The following ZFYVE28 variants were observed in gnomAD, a reference collection of about 807,000 sequenced individuals.
The protein encoded by ZFYVE28 is zinc finger FYVE-type containing 28.
Under a neutral mutation model 82.1 loss-of-function variants are expected in ZFYVE28, and 40 were observed. The observed-to-expected ratio is 0.49, with a 90% CI of 0.38 to 0.63. The LOEUF (loss-of-function observed/expected upper bound fraction) is 0.63. Ranked by LOEUF, ZFYVE28 falls within the 30% of genes least tolerant of loss-of-function variation. The pLI, the probability that ZFYVE28 is intolerant of heterozygous loss-of-function variation, is 0.00. For missense variants in ZFYVE28, 1,321 were observed against 1,242.1 expected (o/e 1.06, Z -0.96); for synonymous variants, 612 against 546.1 (o/e 1.12, Z -1.68).
intron 7 of ZFYVE28, among the ~76,000 whole-genome samples, chr4:2,306,652 A>T (rs1171944863): frequency 1.3e-5 from 2 of 152,238 alleles, no homozygotes. Flanking sequence ...TGTCATTAGA[A>T]ATAGTTGTAA....
At chr4:2,311,671 T>C (rs1717489712) in intron 7 of ZFYVE28, among the ~76,000 whole-genome samples, 1 of 152,252 alleles carries the variant, frequency 6.6e-6, no homozygotes, top group Non-Finnish European at 1.5e-5. Context: ...CTAGCTTCTT[T>C]AGACAAAATT....
intron 1 of ZFYVE28, among the ~76,000 whole-genome samples, chr4:2,406,062 A>AGAAAAGAAAG (rs11451239): frequency 0.019 from 2,374 of 125,070 alleles, 101 homozygotes; most frequent in African/African-American, 0.073. Flanking sequence ...AAAAAAAAAA[A>AGAAAAGAAAG]AAAGAAAGAA....
intron 1 of ZFYVE28, among the ~76,000 whole-genome samples, chr4:2,392,267 C>G (rs567930008): frequency 6.6e-6 from 1 of 152,158 alleles, no homozygotes; most frequent in Non-Finnish European, 1.5e-5. Flanking sequence ...ATCCCCTCCA[C>G]AGCCAGCCTG....
intron 8 of ZFYVE28, among the ~76,000 whole-genome samples, chr4:2,292,185 G>A (rs1001719271): frequency 2.0e-5 from 3 of 152,218 alleles, no homozygotes; most frequent in African/African-American, 7.2e-5. Context: ...CGGAGAGCTG[G>A]GTTGGAAGGG....
At chr4:2,333,704 C>T (rs916746172) in intron 6 of ZFYVE28, among the ~76,000 whole-genome samples, 1 of 152,184 alleles carries the variant, frequency 6.6e-6, no homozygotes, top group Non-Finnish European at 1.5e-5. Context: ...CAGAGCTGTT[C>T]ATTTGCTGTG....
At chr4:2,412,085 C>T (rs1394209687) in intron 1 of ZFYVE28, among the ~76,000 whole-genome samples, 1 of 152,204 alleles carries the variant, frequency 6.6e-6, no homozygotes, top group Non-Finnish European at 1.5e-5. Flanking sequence ...CCTTCATCCT[C>T]AGGGGGACCT....
chr4:2,330,151 T>A (rs1054826943), intron 6 of ZFYVE28: 6 of 516,058 alleles, frequency 1.2e-5, no homozygotes, highest in African/African-American at 2.1e-5. Context: ...CGCTCAGGAG[T>A]AAGAGACATC....
intron 8 of ZFYVE28, among the ~76,000 whole-genome samples, chr4:2,283,253 C>G (rs1266536386): frequency 6.6e-6 from 1 of 151,354 alleles, no homozygotes; most frequent in Non-Finnish European, 1.5e-5. Context: ...TCTATCCACC[C>G]ATGTACCCAC....
Position 2,320,918 on chromosome 4 carries a change from T to C in ZFYVE28, c.702-647A>G, listed in dbSNP as rs1310726174. ...CACTGTCCCTCCCCCAGAGTCCGGCTCAAAGCCTGCTGAAGGACAAGCTTC... is the reference window on the plus strand; with the variant it reads ...CACTGTCCCTCCCCCAGAGTCCGGCCCAAAGCCTGCTGAAGGACAAGCTTC... On this transcript the variant is annotated intron_variant, in intron 6 of 12. Transcript: ENST00000290974. The surrounding 1 kb of genome is among the most constrained non-coding windows in gnomAD (Gnocchi z 5.1). 2.6e-5 allele frequency among the ~76,000 whole-genome samples: 4 copies of C among 151,932 alleles called. No homozygotes were observed. Among genetic ancestry groups the C allele is most frequent in the African/African-American group, 9.7e-5 (4 of 41,344 alleles).
chr4:2,330,841 T>G, intron 6 of ZFYVE28: 1 of 1,524,446 alleles, frequency 6.6e-7, no homozygotes, highest in African/African-American at 1.4e-5. Context: ...AGCGGGTGCG[T>G]GGGGACTGGG....
At chr4:2,337,102 A>G (rs1485449307) in intron 5 of ZFYVE28, among the ~76,000 whole-genome samples, 3 of 151,924 alleles carry the variant, frequency 2.0e-5, no homozygotes, top group Non-Finnish European at 2.9e-5. Flanking sequence ...ATCATGCCAG[A>G]GCCTTCCAGC....
intron 1 of ZFYVE28, among the ~76,000 whole-genome samples, chr4:2,413,076 G>A (rs1424404898): frequency 1.3e-5 from 2 of 152,218 alleles, no homozygotes; most frequent in African/African-American, 4.8e-5. Context: ...AGTCGGCGCA[G>A]GGAGTGATGC....
chr4:2,304,074 T>G (rs1716081832), intron 8 of ZFYVE28, among the ~76,000 whole-genome samples: 1 of 152,222 alleles, frequency 6.6e-6, no homozygotes, highest in Non-Finnish European at 1.5e-5. Flanking sequence ...GCGCACATTT[T>G]CTGGTGCATG....
chr4:2,273,978 T>G, intron 9 of ZFYVE28, 84 bp downstream of exon 9: 1 of 1,492,172 alleles, frequency 6.7e-7, no homozygotes. Flanking sequence ...GAGGGGGAGG[T>G]TGTACACGCC....
intron 1 of ZFYVE28, among the ~76,000 whole-genome samples, chr4:2,382,521 G>C (rs959263715): frequency 1.2e-4 from 18 of 152,344 alleles, no homozygotes; most frequent in African/African-American, 4.3e-4. Flanking sequence ...TGTCCCGCTG[G>C]ATTTCGGACT....
intron 10 of ZFYVE28, among the ~76,000 whole-genome samples, chr4:2,272,829 C>T (rs1736032723): frequency 6.6e-6 from 1 of 152,258 alleles, no homozygotes; most frequent in Non-Finnish European, 1.5e-5. Context: ...CGCAGAGGTG[C>T]AGTCACCTTG....
At chr4:2,367,763 A>G (rs1284812063) in intron 1 of ZFYVE28, among the ~76,000 whole-genome samples, 1 of 152,208 alleles carries the variant, frequency 6.6e-6, no homozygotes, top group African/African-American at 2.4e-5. Flanking sequence ...TCCTGGGCAC[A>G]CTGGAAGCCA....
intron 2 of ZFYVE28, among the ~76,000 whole-genome samples, chr4:2,350,846 A>C (rs1204536504): frequency 6.6e-6 from 1 of 152,252 alleles, no homozygotes; most frequent in African/African-American, 2.4e-5. Context: ...TGCCAGGAGA[A>C]GGGCACACCC....
At chr4:2,358,952 C>T (rs900963245) in intron 1 of ZFYVE28, among the ~76,000 whole-genome samples, 10 of 151,596 alleles carry the variant, frequency 6.6e-5, no homozygotes, top group African/African-American at 1.9e-4. Flanking sequence ...CAGGTGGGTG[C>T]CACTATGGCC....
Sources: allele counts gnomAD v4.1 joint callset (sites outside exome capture counted in the v4.1 genomes callset), GRCh38; gene constraint gnomAD v4.1.1; non-coding constraint Gnocchi (gnomAD v3.1); transcripts MANE v1.5; gene names NCBI Gene and HGNC (gene_info 2026-07-23, HGNC 2026-07-21).